The following CHST11 variants were observed in gnomAD, a reference collection of about 807,000 sequenced individuals.
The protein encoded by CHST11 is carbohydrate sulfotransferase 11.
A neutral mutation model predicts 30.4 loss-of-function variants in CHST11; 9 were observed. That is an observed-to-expected ratio of 0.30 (90% CI 0.18 to 0.52). CHST11 has a LOEUF of 0.52. Among genes scored for constraint, CHST11 ranks in the 20% least tolerant of loss-of-function variants. The probability of loss-of-function intolerance (pLI) is 0.97; values close to 1 mark genes in which losing one functional copy is unlikely to be tolerated. For missense variants in CHST11, 348 were observed against 460.6 expected, an observed-to-expected ratio of 0.76 and a Z score of 2.24; for synonymous variants, 152 against 187.8, an observed-to-expected ratio of 0.81 and a Z score of 1.56.
intron 2 of CHST11, chr12:104,602,327 C>A: frequency 2.9e-6 from 1 of 346,768 alleles, no homozygotes; most frequent in Non-Finnish European, 5.2e-6. Flanking sequence ...CTTTGGTATC[C>A]CCAAAGGAAG....
At chr12:104,630,375 T>A (rs1481164189) in intron 2 of CHST11, among the ~76,000 whole-genome samples, 1 of 152,208 alleles carries the variant, frequency 6.6e-6, no homozygotes, top group Non-Finnish European at 1.5e-5. Context: ...ACAAGTTGAT[T>A]TATGGAAAGT....
chr12:104,669,962 C>T (rs2039674817), intron 2 of CHST11, among the ~76,000 whole-genome samples: 2 of 152,258 alleles, frequency 1.3e-5, no homozygotes. Flanking sequence ...GTGCTTAGCA[C>T]ATAGAAATTG....
At chr12:104,573,757 C>T (rs2038653847) in intron 1 of CHST11, among the ~76,000 whole-genome samples, 1 of 152,122 alleles carries the variant, frequency 6.6e-6, no homozygotes, top group South Asian at 2.1e-4. Context: ...CATAAAAACC[C>T]TAGAAGAAAA....
intron 1 of CHST11, among the ~76,000 whole-genome samples, chr12:104,587,815 G>A (rs1311563885): frequency 4.4e-5 from 6 of 136,702 alleles, no homozygotes; most frequent in Non-Finnish European, 7.6e-5. Context: ...TCTTCAATTC[G>A]TTAGAGATTA....
chr12:104,576,804 G>A (rs1287681542), intron 1 of CHST11, among the ~76,000 whole-genome samples: 1 of 152,150 alleles, frequency 6.6e-6, no homozygotes, highest in Non-Finnish European at 1.5e-5. Flanking sequence ...TGGATTTTGG[G>A]GGCCTAGGAA....
rs554085017 is a variant in CHST11, at chr12:104,665,580, C to G, written c.204+63589C>G. ...GGTTCTGAGTATTAACTTAGTTCAT[C>G]AACCTAAAGTGCTTTGCACAGCATC... On this transcript the variant is annotated intron_variant, in intron 2 of 2. Transcript: ENST00000303694. Among the ~76,000 whole-genome samples, 3 of 152,126 alleles carry G rather than the reference C, an allele frequency of 2.0e-5. No homozygotes were observed. The South Asian group carries it at 6.2e-4, about 32-fold the overall frequency.
chr12:104,480,359 C>T lies in CHST11; in HGVS notation c.118+22830C>T, dbSNP rs377067557. On this transcript the variant is annotated intron_variant, in intron 1 of 2. Coordinates refer to ENST00000303694, the MANE Select transcript of CHST11 (RefSeq NM_018413.6). ...TTGGGAGGCTGAGGTGGGTGGATCA[C>T]GAGGTCAGGAGTTTGAGACCAGCCT... 2.5e-4 allele frequency among the ~76,000 whole-genome samples: 38 copies of T among 152,076 alleles called. 2 individuals carry two copies. The highest frequency in any genetic ancestry group is 1.0e-3 in the Admixed American group (16 of 15,260).
chr12:104,633,420 T>TC (rs2039291568), intron 2 of CHST11, among the ~76,000 whole-genome samples: 1 of 147,532 alleles, frequency 6.8e-6, no homozygotes, highest in South Asian at 2.2e-4. Context: ...GTCTTTTTTT[T>TC]TTTTTTTTTT....
chr12:104,616,320 C>A (rs1045761852), intron 2 of CHST11, among the ~76,000 whole-genome samples: 2 of 152,114 alleles, frequency 1.3e-5, no homozygotes, highest in African/African-American at 2.4e-5. Flanking sequence ...TTTCTATAAA[C>A]CCTCAATGAA....
intron 1 of CHST11, among the ~76,000 whole-genome samples, chr12:104,502,801 G>A (rs992239965): frequency 3.9e-5 from 6 of 152,210 alleles, no homozygotes; most frequent in East Asian, 1.9e-4. Flanking sequence ...AAGCACTACG[G>A]AGGCCCAGAA....
At chr12:104,693,170 C>A (rs747158965) in intron 2 of CHST11, among the ~76,000 whole-genome samples, 1 of 152,196 alleles carries the variant, frequency 6.6e-6, no homozygotes, top group Admixed American at 6.5e-5. Context: ...GCCCCGCCCC[C>A]CAAAGAACTC....
rs770160219 is a variant in CHST11 at position 104,757,444 on chromosome 12, G to A, written c.700G>A (p.Asp234Asn). 2.2e-5 allele frequency: 36 copies of A among 1,613,898 alleles called. No homozygotes were observed. The highest frequency in any genetic ancestry group is 8.0e-5 in the African/African-American group (6 of 74,872). Residue 234 changes from aspartate to asparagine, a missense_variant, in exon 3 of 3, where the codon GAT (aspartate) becomes AAT (asparagine). Physicochemically the swap from Asp to Asn is conservative, Grantham distance 23. This residue lies in a region of CHST11 where 210 missense variants were observed against 287.2 expected (regional missense o/e 0.73). Transcript: ENST00000303694. This position sits in a 1 kb window ranked among gnomAD's most constrained non-coding sequence, Gnocchi z 6.5. ...ATQEALRKGD[D>N]VKFEEFVAYL... ...CCAGGAGGCCCTGCGCAAAGGGGAC[G>A]ATGTCAAATTCGAGGAGTTTGTGGC...
chr12:104,741,679 T>C (rs141831365), intron 2 of CHST11, among the ~76,000 whole-genome samples: 227 of 152,314 alleles, frequency 1.5e-3, no homozygotes, highest in African/African-American at 5.2e-3. Context: ...CAGTGAGATA[T>C]TAAGTCGCCA....
intron 2 of CHST11, among the ~76,000 whole-genome samples, chr12:104,753,391 G>C (rs1446638422): frequency 6.6e-6 from 1 of 152,172 alleles, no homozygotes; most frequent in Admixed American, 6.5e-5. Context: ...GGCTCACAAC[G>C]AGCACTCACC....
intron 1 of CHST11, among the ~76,000 whole-genome samples, chr12:104,483,623 A>G (rs146749895): frequency 1.1e-3 from 168 of 152,290 alleles, no homozygotes; most frequent in African/African-American, 3.6e-3. Context: ...TTCAGATACA[A>G]ACTCCCCAAT....
chr12:104,752,955 C>T (rs988036143), intron 2 of CHST11, among the ~76,000 whole-genome samples: 1 of 152,212 alleles, frequency 6.6e-6, no homozygotes, highest in African/African-American at 2.4e-5. Context: ...GGGGCTGGCA[C>T]TTTTGCAAGC....
intron 2 of CHST11, among the ~76,000 whole-genome samples, chr12:104,608,729 C>T (rs1040623368): frequency 1.3e-5 from 2 of 152,180 alleles, no homozygotes; most frequent in Admixed American, 6.5e-5. Flanking sequence ...GTTCACTCTA[C>T]GTAGTTTCTA....
intron 2 of CHST11, among the ~76,000 whole-genome samples, chr12:104,682,183 A>G (rs1201576061): frequency 6.6e-6 from 1 of 152,218 alleles, no homozygotes; most frequent in African/African-American, 2.4e-5. Context: ...ACAAATGCCG[A>G]AATAATATAA....
At chr12:104,635,380 A>G (rs962059985) in intron 2 of CHST11, among the ~76,000 whole-genome samples, 1 of 152,224 alleles carries the variant, frequency 6.6e-6, no homozygotes, top group African/African-American at 2.4e-5. Flanking sequence ...TTCCGGTGGC[A>G]CACGCCCGGG....
Sources: allele counts gnomAD v4.1 joint callset (sites outside exome capture counted in the v4.1 genomes callset), GRCh38; gene constraint gnomAD v4.1.1; regional missense constraint gnomAD v4.1.1; non-coding constraint Gnocchi (gnomAD v3.1); transcripts MANE v1.5; gene names NCBI Gene and HGNC (gene_info 2026-07-23, HGNC 2026-07-21).